WDR70: variants seen among roughly 807,000 people sequenced by gnomAD.
WDR70 encodes the protein WD repeat-containing protein 70.
WDR70 carries 53 observed loss-of-function variants against 88.6 expected under a neutral mutation model. That is an observed-to-expected ratio of 0.60 (90% confidence interval 0.48 to 0.75). WDR70 has a LOEUF of 0.75. Ranked by LOEUF, WDR70 falls within the 30% of genes least tolerant of loss-of-function variation. The pLI, the probability that WDR70 is intolerant of heterozygous loss-of-function variation, is 0.00. For synonymous variants in WDR70, 280 were observed against 270.0 expected (o/e 1.04, Z -0.36); for missense variants, 610 against 823.2 (o/e 0.74, Z 3.17).
chr5:37,564,481 A>C (rs1035366666), intron 9 of WDR70, among the ~76,000 whole-genome samples: 1 of 151,566 alleles, frequency 6.6e-6, no homozygotes, highest in Non-Finnish European at 1.5e-5. Context: ...GCAGCAGTAC[A>C]GTCCAGCTTT....
At chr5:37,473,400 A>G (rs1367166332) in intron 7 of WDR70, among the ~76,000 whole-genome samples, 2 of 148,480 alleles carry the variant, frequency 1.3e-5, no homozygotes, top group Non-Finnish European at 3.0e-5. Flanking sequence ...CTGGAGTGCA[A>G]TGGCATGATC....
Position 37,637,083 on chromosome 5 carries a change from T to C in WDR70, c.1092+31845T>C, listed in dbSNP as rs1352576220. Among the ~76,000 whole-genome samples the C allele has an allele frequency of 2.0e-5, 3 of 152,244 alleles. No individual in the cohort carries two copies. The East Asian group carries it at 5.8e-4, about 29-fold the overall frequency. On this transcript the variant is annotated intron_variant, in intron 10 of 17. Coordinates refer to ENST00000265107, the MANE Select transcript of WDR70 (RefSeq NM_018034.4). The stretch of plus-strand genomic sequence containing the variant: ...TAGGCCAGGCGTGGTAGCTCACGTA[T>C]GTAATCCCACCACTTTGGGAGGCCG...
chr5:37,591,721 C>G (rs1185372630), intron 9 of WDR70, among the ~76,000 whole-genome samples: 2 of 152,186 alleles, frequency 1.3e-5, no homozygotes, highest in Admixed American at 1.3e-4. Flanking sequence ...CGCAAAGTCA[C>G]TTCAGAAAAA....
chr5:37,678,726 C>T (rs1033523224), intron 10 of WDR70, among the ~76,000 whole-genome samples: 6 of 152,096 alleles, frequency 3.9e-5, no homozygotes, highest in Non-Finnish European at 8.8e-5. Flanking sequence ...TTGCTCTTCT[C>T]GAGGAGTATT....
At chr5:37,688,025 G>A (rs1457409506) in intron 10 of WDR70, 1 of 647,180 alleles carries the variant, frequency 1.5e-6, no homozygotes, top group African/African-American at 1.8e-5. Flanking sequence ...ATCTCACTTT[G>A]TTTACTGGTA....
At chr5:37,515,574 A>G (rs1403964395) in intron 8 of WDR70, among the ~76,000 whole-genome samples, 2 of 152,234 alleles carry the variant, frequency 1.3e-5, no homozygotes, top group East Asian at 1.9e-4. Context: ...TTGGCCAGAT[A>G]CTATTTGAGG....
intron 7 of WDR70, among the ~76,000 whole-genome samples, chr5:37,463,716 C>T (rs1739080606): frequency 1.3e-5 from 2 of 152,138 alleles, no homozygotes; most frequent in African/African-American, 4.8e-5. Context: ...TCGGAATCTT[C>T]GTTGTTTAGG....
At chr5:37,645,150 C>T (rs1305170839) in intron 10 of WDR70, among the ~76,000 whole-genome samples, 1 of 150,412 alleles carries the variant, frequency 6.6e-6, no homozygotes, top group African/African-American at 2.4e-5. Context: ...TTGCTGTATC[C>T]CATAGGATTT....
intron 8 of WDR70, among the ~76,000 whole-genome samples, chr5:37,513,135 A>G (rs1740770983): frequency 1.3e-5 from 2 of 152,212 alleles, no homozygotes; most frequent in Non-Finnish European, 2.9e-5. Context: ...GTGAATATGT[A>G]AAATGTTAAC....
At position 37,525,337 on chromosome 5, in the gene WDR70, G is replaced by A. The variant is rs928027792; in HGVS notation, c.917+8747G>A. The stretch of plus-strand genomic sequence containing the variant: ...AGGATTAAGAAACTCACTCAAAACC[G>A]CTCAACTACCTGGAAACTGAACAAC... On this transcript the variant is annotated intron_variant, in intron 9 of 17. Transcript: ENST00000265107. 4.3e-4 allele frequency among the ~76,000 whole-genome samples: 66 copies of A among 152,246 alleles called. 1 individual carries two copies. Among genetic ancestry groups the A allele is most frequent in the Middle Eastern group, 3.4e-3 (1 of 294 alleles).
intron 9 of WDR70, among the ~76,000 whole-genome samples, chr5:37,557,957 A>AATCTTTTTAAAAC: frequency 7.2e-6 from 1 of 139,252 alleles, no homozygotes; most frequent in Admixed American, 7.1e-5. Flanking sequence ...TCAAAAGAGT[A>AATCTTTTTAAAAC]TTATGTATAT....
At chr5:37,466,115 A>G (rs1394088765) in intron 7 of WDR70, among the ~76,000 whole-genome samples, 1 of 152,170 alleles carries the variant, frequency 6.6e-6, no homozygotes, top group Non-Finnish European at 1.5e-5. Flanking sequence ...TTAGGAGTTC[A>G]CTTGAGTAGT....
At position 37,437,999 on chromosome 5, in the gene WDR70, G is replaced by GT. The variant is rs757142179; in HGVS notation, c.552+24dup. 6 of 1,599,710 alleles carry GT rather than the reference G, an allele frequency of 3.8e-6. No individual in the cohort carries two copies. Among genetic ancestry groups the GT allele is most frequent in the Admixed American group, 1.7e-5 (1 of 58,324 alleles). Reference sequence around the variant, plus strand: ...CTAAAACAGTAAGTTTAAAAATCTAGTTTTTTCCTCTCTCAAATTACAGGG... The same window carrying GT: ...CTAAAACAGTAAGTTTAAAAATCTAGTTTTTTTCCTCTCTCAAATTACAGGG... On this transcript the variant is annotated intron_variant, in intron 6 of 17. Transcript: ENST00000265107.
At chr5:37,485,658 AAT>A (rs957286377) in intron 8 of WDR70, among the ~76,000 whole-genome samples, 4 of 151,996 alleles carry the variant, frequency 2.6e-5, no homozygotes, top group African/African-American at 9.7e-5. Flanking sequence ...ATGAATGAAC[AAT>A]ATATATTATT....
chr5:37,619,175 A>G (rs1303190519), intron 10 of WDR70, among the ~76,000 whole-genome samples: 1 of 152,036 alleles, frequency 6.6e-6, no homozygotes, highest in Non-Finnish European at 1.5e-5. Flanking sequence ...GAAATAGGGG[A>G]AGCATGTTTT....
At chr5:37,410,090 A>T (rs1446049366) in intron 5 of WDR70, among the ~76,000 whole-genome samples, 1 of 151,710 alleles carries the variant, frequency 6.6e-6, no homozygotes, top group Non-Finnish European at 1.5e-5. Flanking sequence ...TATGATGCAC[A>T]GGCTGGTCTA....
Position 37,742,234 on chromosome 5 carries a change from A to C in WDR70, c.1878-10252A>C, listed in dbSNP as rs1748502860. The stretch of plus-strand genomic sequence containing the variant: ...CATGCAAGGGTTCCAGTTTCTCTGC[A>C]TCCTGGCCAATACTTGTTATTATCT... On this transcript the variant is annotated intron_variant, in intron 17 of 17. Coordinates refer to ENST00000265107, the MANE Select transcript of WDR70 (RefSeq NM_018034.4). 5.5e-5 allele frequency among the ~76,000 whole-genome samples: 8 copies of C among 145,306 alleles called. 1 individual carries two copies. The South Asian group carries it at 8.7e-4, about 16-fold the overall frequency.
intron 9 of WDR70, among the ~76,000 whole-genome samples, chr5:37,580,747 T>C (rs1664670636): frequency 6.6e-6 from 1 of 152,234 alleles, no homozygotes; most frequent in African/African-American, 2.4e-5. Context: ...GTGTAGCCAA[T>C]ACATCCATGA....
intron 9 of WDR70, among the ~76,000 whole-genome samples, chr5:37,572,486 T>C (rs969354446): frequency 1.3e-5 from 2 of 152,150 alleles, no homozygotes; most frequent in African/African-American, 4.8e-5. Flanking sequence ...GCAATTTTGC[T>C]GCATTGATGT....
Sources: gnomAD v4.1 joint callset for allele counts (sites outside exome capture counted in the v4.1 genomes callset) on GRCh38, gnomAD v4.1.1 for gene constraint, MANE v1.5 for transcripts, NCBI Gene and HGNC (gene_info 2026-07-23, HGNC 2026-07-21) for gene names.